CACNA2D3: variants seen among roughly 807,000 people sequenced by gnomAD.
CACNA2D3 encodes the protein voltage-dependent calcium channel subunit alpha-2/delta-3.
In CACNA2D3, 60 loss-of-function variants were observed where a neutral mutation model predicts 160.6. The observed-to-expected ratio is 0.37, with a 90% confidence interval of 0.30 to 0.46. The LOEUF is 0.46. Among genes scored for constraint, CACNA2D3 ranks in the 20% least tolerant of loss-of-function variants. CACNA2D3 has a pLI of 1.00. For synonymous variants in CACNA2D3, 558 were observed against 492.9 expected (o/e 1.13, Z -1.75); for missense variants, 1,205 against 1,365.0 (o/e 0.88, Z 1.85).
chr3:54,563,034 G>A (rs1048920428), intron 6 of CACNA2D3, 103 bp downstream of exon 6: 30 of 1,125,712 alleles, frequency 2.7e-5, no homozygotes, highest in Admixed American at 2.6e-4. Context: ...CCTTTTCTTA[G>A]AAGAAAATGA....
intron 4 of CACNA2D3, among the ~76,000 whole-genome samples, chr3:54,474,631 T>TA (rs1488228310): frequency 6.6e-6 from 1 of 151,478 alleles, no homozygotes; most frequent in African/African-American, 2.4e-5. Flanking sequence ...GGAGCTTCAT[T>TA]AAAAAAGGAA....
intron 13 of CACNA2D3, among the ~76,000 whole-genome samples, chr3:54,801,770 A>G (rs1702993038): frequency 6.6e-6 from 1 of 152,124 alleles, no homozygotes; most frequent in Non-Finnish European, 1.5e-5. Flanking sequence ...CTTTCTGTTC[A>G]TCTTTTCCTT....
At chr3:54,132,328 C>A (rs751594984) in intron 2 of CACNA2D3, among the ~76,000 whole-genome samples, 1 of 152,232 alleles carries the variant, frequency 6.6e-6, no homozygotes, top group South Asian at 2.1e-4. Context: ...AAATCATTAT[C>A]TGGCAACCAA....
chr3:54,237,398 A>G (rs1701899257), intron 2 of CACNA2D3, among the ~76,000 whole-genome samples: 2 of 152,202 alleles, frequency 1.3e-5, no homozygotes, highest in Admixed American at 1.3e-4. Flanking sequence ...AGATCTACCT[A>G]GGGATGGCCC....
chr3:54,934,969 C>G (rs550303971), intron 27 of CACNA2D3, among the ~76,000 whole-genome samples: 2 of 152,320 alleles, frequency 1.3e-5, no homozygotes, highest in African/African-American at 4.8e-5. Flanking sequence ...AACTCCTGAC[C>G]TCAAGTGATC....
At chr3:55,032,776 A>G (rs964105500) in intron 35 of CACNA2D3, among the ~76,000 whole-genome samples, 1 of 152,128 alleles carries the variant, frequency 6.6e-6, no homozygotes, top group Non-Finnish European at 1.5e-5. Flanking sequence ...TTGGTGCTCA[A>G]TAGCTGGGAG....
At chr3:54,977,674 T>C (rs1306093151) in intron 29 of CACNA2D3, among the ~76,000 whole-genome samples, 2 of 152,164 alleles carry the variant, frequency 1.3e-5, no homozygotes, top group Admixed American at 6.5e-5. Context: ...ATGTATTTAC[T>C]GACTCAACAG....
chr3:54,399,908 G>A (rs1453855567), intron 4 of CACNA2D3, among the ~76,000 whole-genome samples: 6 of 122,716 alleles, frequency 4.9e-5, no homozygotes, highest in East Asian at 2.4e-4. Flanking sequence ...CCTCGTTGCC[G>A]CCTTGCAGTT....
At chr3:54,554,367 A>G (rs933584578) in intron 5 of CACNA2D3, among the ~76,000 whole-genome samples, 1 of 152,246 alleles carries the variant, frequency 6.6e-6, no homozygotes, top group Non-Finnish European at 1.5e-5. Flanking sequence ...CTGATACAGT[A>G]GGTACTCAAT....
At chr3:54,477,945 A>T (rs1053595561) in intron 4 of CACNA2D3, among the ~76,000 whole-genome samples, 1 of 152,164 alleles carries the variant, frequency 6.6e-6, no homozygotes, top group Non-Finnish European at 1.5e-5. Context: ...CTTTCTTTCA[A>T]TTAACCCCTC....
chr3:55,009,274 A>G lies in CACNA2D3; in HGVS notation c.2820-114A>G. The stretch of plus-strand genomic sequence containing the variant: ...CTCAGCCAACTGTGTTGATATCTCC[A>G]AATTGTGATGTTCTCAAATGAGGTA... On this transcript the variant is annotated intron_variant, in intron 33 of 37. Coordinates refer to ENST00000474759, the MANE Select transcript of CACNA2D3 (RefSeq NM_018398.3). The G allele has an allele frequency of 4.5e-6, 4 of 892,330 alleles. No individual in the cohort carries two copies. In the South Asian group the frequency reaches 5.7e-5, roughly 13 times the overall value. 55.3% of individuals were successfully genotyped at this position (892,330 alleles called of 1,614,324 possible).
chr3:54,854,726 G>A (rs1699129316), intron 17 of CACNA2D3, among the ~76,000 whole-genome samples: 1 of 152,132 alleles, frequency 6.6e-6, no homozygotes, highest in Non-Finnish European at 1.5e-5. Flanking sequence ...TTGACTGTGT[G>A]TGAAGATTCT....
At chr3:54,660,663 C>A (rs1699951757) in intron 11 of CACNA2D3, among the ~76,000 whole-genome samples, 1 of 152,132 alleles carries the variant, frequency 6.6e-6, no homozygotes, top group African/African-American at 2.4e-5. Context: ...ACTTACCTTA[C>A]CTTAATCATT....
chr3:54,553,425 CCT>C (rs1250436503), intron 5 of CACNA2D3, among the ~76,000 whole-genome samples: 1 of 152,270 alleles, frequency 6.6e-6, no homozygotes, highest in Non-Finnish European at 1.5e-5. Flanking sequence ...CCCAGGCTCC[CCT>C]GCCTGCTATA....
intron 5 of CACNA2D3, among the ~76,000 whole-genome samples, chr3:54,507,125 T>C (rs1444043541): frequency 6.6e-6 from 1 of 152,212 alleles, no homozygotes; most frequent in Non-Finnish European, 1.5e-5. Flanking sequence ...GAAAATGCTG[T>C]GCTCTCAACC....
intron 3 of CACNA2D3, among the ~76,000 whole-genome samples, chr3:54,342,808 A>C (rs556792743): frequency 1.1e-4 from 17 of 152,340 alleles, no homozygotes; most frequent in African/African-American, 3.8e-4. Flanking sequence ...AGGTGGCGAG[A>C]TGCTTCCCGA....
At chr3:54,159,029 T>C (rs1700294714) in intron 2 of CACNA2D3, among the ~76,000 whole-genome samples, 1 of 152,230 alleles carries the variant, frequency 6.6e-6, no homozygotes, top group Non-Finnish European at 1.5e-5. Context: ...AGCAATTGTA[T>C]TGTTTCCAAT....
intron 34 of CACNA2D3, among the ~76,000 whole-genome samples, chr3:55,015,569 T>A (rs186611347): frequency 6.6e-6 from 1 of 152,346 alleles, no homozygotes; most frequent in East Asian, 1.9e-4. Context: ...AAATCTTTAT[T>A]TCATGTCAAG....
Position 54,216,010 on chromosome 3 carries a change from G to A in CACNA2D3, c.204+92416G>A, listed in dbSNP as rs148911339. 1.2e-3 allele frequency among the ~76,000 whole-genome samples: 175 copies of A among 152,124 alleles called. 1 individual carries two copies. Among genetic ancestry groups the A allele is most frequent in the Non-Finnish European group, 2.1e-3 (146 of 68,006 alleles). ...TTCTTAGTTGGTTAAATAAAAACCCGTCAGTCCTGTGTTGGTCCCCCGAAT... is the reference window on the plus strand; with the variant it reads ...TTCTTAGTTGGTTAAATAAAAACCCATCAGTCCTGTGTTGGTCCCCCGAAT... On this transcript the variant is annotated intron_variant, in intron 2 of 37. Transcript: ENST00000474759.
Sources: gnomAD v4.1 joint callset for allele counts (sites outside exome capture counted in the v4.1 genomes callset) on GRCh38, gnomAD v4.1.1 for gene constraint, MANE v1.5 for transcripts, NCBI Gene and HGNC (gene_info 2026-07-23, HGNC 2026-07-21) for gene names.